HEATR5B: variants seen among roughly 807,000 people sequenced by gnomAD.
The protein encoded by HEATR5B is HEAT repeat-containing protein 5B.
In HEATR5B, 156 loss-of-function variants were observed where a neutral mutation model predicts 224.1. The ratio of observed to expected loss-of-function variants is 0.70; its 90% CI spans 0.61 to 0.80. HEATR5B has a LOEUF of 0.80. Among genes scored for constraint, HEATR5B ranks in the 30% least tolerant of loss-of-function variants. The pLI is 0.00. For synonymous variants in HEATR5B, 1,027 were observed against 893.0 expected, an observed-to-expected ratio of 1.15 and a Z score of -2.68; for missense variants, 2,323 against 2,535.5, an observed-to-expected ratio of 0.92 and a Z score of 1.80.
chr2:37,057,834 C>A (rs1387758393), intron 14 of HEATR5B, among the ~76,000 whole-genome samples: 2 of 151,864 alleles, frequency 1.3e-5, no homozygotes, highest in South Asian at 4.2e-4. Flanking sequence ...CACAGCAAGA[C>A]CCTGTCTGAA....
chr2:37,035,205 A>G (rs1380002632), intron 21 of HEATR5B, among the ~76,000 whole-genome samples: 1 of 152,236 alleles, frequency 6.6e-6, no homozygotes, highest in Non-Finnish European at 1.5e-5. Flanking sequence ...AGTGTTTTCA[A>G]AAACCCCACT....
chr2:37,025,174 T>C (rs972007921), intron 24 of HEATR5B, among the ~76,000 whole-genome samples: 6 of 152,096 alleles, frequency 3.9e-5, no homozygotes, highest in Admixed American at 2.6e-4. Context: ...TTAGAAAGCA[T>C]CCTGTTAGAA....
Position 36,988,735 on chromosome 2 carries a change from T to C in HEATR5B, c.5822A>G (p.Asn1941Ser), listed in dbSNP as rs1426067543. The C allele has an allele frequency of 2.5e-6, 4 of 1,614,188 alleles. No homozygotes were observed. Among genetic ancestry groups the C allele is most frequent in the Non-Finnish European group, 3.4e-6 (4 of 1,180,028 alleles). Reference protein sequence around the residue: ...VVEKLKAVERNRPASNIELLA... With the variant: ...VVEKLKAVERSRPASNIELLA... ...AAGCTCTATGTTACTGGCTGGTCTG[T>C]TTCTTTCAACAGCTTTTAGCTTTTC... Residue 1941 changes from asparagine (N) to serine (S), a missense_variant, in exon 35 of 36, where the codon AAC (asparagine) becomes AGC (serine). By Grantham distance (46) the Asn-to-Ser change is conservative (BLOSUM62 1). Transcript: ENST00000233099.
chr2:37,004,963 C>T (rs940814354), intron 30 of HEATR5B, among the ~76,000 whole-genome samples: 4 of 152,128 alleles, frequency 2.6e-5, no homozygotes, highest in Admixed American at 6.6e-5. Flanking sequence ...TACGGGCTGA[C>T]AGAATGATCC....
At chr2:37,017,576 C>G (rs1052150939) in intron 26 of HEATR5B, among the ~76,000 whole-genome samples, 1 of 150,302 alleles carries the variant, frequency 6.7e-6, no homozygotes, top group African/African-American at 2.4e-5. Flanking sequence ...ATCCCAGCTA[C>G]TCAGGAGGCT....
In HEATR5B at chr2:37,079,288, G is replaced by A. The variant is rs751145811; in HGVS notation, c.170C>T (p.Thr57Ile). The change falls in exon 3 of 36, where the codon ACT (threonine) becomes ATT (isoleucine). Residue 57 changes from threonine (T) to isoleucine (I), a missense_variant. Transcript: ENST00000233099. The stretch of plus-strand genomic sequence containing the variant: ...TCCAGGTGAACTACTTATTAATCCA[G>A]TTAATTGTTCAACAAGTTTTTTCTG... ...EKQKKLVEQL[T>I]GLISSSPGPP... is the part of the protein sequence containing the mutation. 6.2e-7 allele frequency: 1 copy of A among 1,611,118 alleles called. No individual in the cohort carries two copies. Among genetic ancestry groups the A allele is most frequent in the African/African-American group, 1.3e-5 (1 of 74,818 alleles).
At chr2:37,040,214 A>T in intron 20 of HEATR5B, 115 bp downstream of exon 20, 1 of 816,122 alleles carries the variant, frequency 1.2e-6, no homozygotes, top group Non-Finnish European at 2.0e-6. Flanking sequence ...CCAAGTATTC[A>T]GTACATAGTA....
Position 37,057,323 on chromosome 2 carries a change from T to C in HEATR5B, c.2217A>G (p.Glu739=). The change falls in exon 15 of 36, where the codon GAA becomes GAG. Residue 739 remains glutamate (E), a synonymous_variant. Coordinates refer to ENST00000233099, the MANE Select transcript of HEATR5B (RefSeq NM_019024.3). ...TTTCCTCTATGTTTATTACCTGGTC[T>C]TCAATTGATTTATGATCAGTTTCCT... is the stretch of plus-strand genomic sequence containing the variant. ...WLQETDHKSI[E]DQLQPNSASG... is the part of the protein sequence containing the mutation. The C allele has an allele frequency of 6.3e-7, 1 of 1,599,838 alleles. No homozygotes were observed. The highest frequency in any genetic ancestry group is 8.5e-7 in the Non-Finnish European group (1 of 1,175,004).
chr2:37,074,868 A>G (rs1672129969), intron 5 of HEATR5B, among the ~76,000 whole-genome samples: 1 of 152,256 alleles, frequency 6.6e-6, no homozygotes, highest in African/African-American at 2.4e-5. Flanking sequence ...AGATACAATG[A>G]CATATGTATC....
At chr2:37,067,673 G>A (rs911699258) in intron 8 of HEATR5B, among the ~76,000 whole-genome samples, 2 of 152,178 alleles carry the variant, frequency 1.3e-5, no homozygotes, top group African/African-American at 4.8e-5. Context: ...TCAGGAGGGT[G>A]AGGCAGGAGA....
At chr2:37,021,156 C>T (rs551239433) in intron 24 of HEATR5B, among the ~76,000 whole-genome samples, 99 of 152,246 alleles carry the variant, frequency 6.5e-4, no homozygotes, top group African/African-American at 2.0e-3. Context: ...TGGTAAAGAA[C>T]CAGATAGTTA....
At chr2:37,000,132 C>G (rs1666994806) in intron 33 of HEATR5B, among the ~76,000 whole-genome samples, 1 of 151,896 alleles carries the variant, frequency 6.6e-6, no homozygotes, top group Admixed American at 6.6e-5. Flanking sequence ...GCCTGGAGTG[C>G]AGTGGTGTGA....
At chr2:37,066,587 A>G (rs1473311020) in intron 8 of HEATR5B, among the ~76,000 whole-genome samples, 1 of 152,142 alleles carries the variant, frequency 6.6e-6, no homozygotes, top group Admixed American at 6.6e-5. Flanking sequence ...CCAACCTTTT[A>G]GCTTCCACTA....
chr2:37,073,799 G>C (rs920001676), intron 5 of HEATR5B, among the ~76,000 whole-genome samples: 4 of 152,044 alleles, frequency 2.6e-5, no homozygotes, highest in Non-Finnish European at 5.9e-5. Flanking sequence ...ACCTAGACTG[G>C]GCAAAACAAT....
chr2:37,072,347 G>T, intron 5 of HEATR5B, 66 bp from the exon 6 acceptor site: 1 of 1,157,186 alleles, frequency 8.6e-7, no homozygotes, highest in South Asian at 1.5e-5. Flanking sequence ...GGAATAGCAA[G>T]AACCAGACTT....
At chr2:37,083,807 T>C (rs1257608359) in intron 1 of HEATR5B, among the ~76,000 whole-genome samples, 1 of 152,150 alleles carries the variant, frequency 6.6e-6, no homozygotes, top group African/African-American at 2.4e-5. Flanking sequence ...ATCCTCCTCT[T>C]TTTCTCGTCC....
intron 10 of HEATR5B, among the ~76,000 whole-genome samples, chr2:37,062,524 G>A (rs931061914): frequency 5.9e-5 from 9 of 152,192 alleles, no homozygotes; most frequent in African/African-American, 2.2e-4. Flanking sequence ...TGATGACTCT[G>A]AAGAGACCCA....
chr2:37,002,562 A>G lies in HEATR5B; in HGVS notation c.5061T>C (p.Asp1687=), dbSNP rs573625591. 2 of 1,612,772 alleles carry G rather than the reference A, an allele frequency of 1.2e-6. No individual in the cohort carries two copies. Among genetic ancestry groups the G allele is most frequent in the East Asian group, 2.2e-5 (1 of 44,866 alleles). Residue 1687 remains aspartate (D), a synonymous_variant, in exon 32 of 36, where the codon GAT becomes GAC. Coordinates refer to ENST00000233099, the MANE Select transcript of HEATR5B (RefSeq NM_019024.3). ...ATACGGTACAGGCCTCTTTTTCCAT[A>G]TCATCTTCATCTGAGGTAAAAGATA... ...QEKRNTLNED[D]MEKEACTVLG...
intron 19 of HEATR5B, 71 bp from the exon 20 acceptor site, chr2:37,040,589 T>G: frequency 8.9e-7 from 1 of 1,127,056 alleles, no homozygotes; most frequent in Non-Finnish European, 1.3e-6. Context: ...TATACTGAAT[T>G]GTTACATGGG....
Sources: allele counts gnomAD v4.1 joint callset (sites outside exome capture counted in the v4.1 genomes callset), GRCh38; gene constraint gnomAD v4.1.1; transcripts MANE v1.5; gene names NCBI Gene and HGNC (gene_info 2026-07-23, HGNC 2026-07-21).